ZMYM4: variants seen among roughly 807,000 people sequenced by gnomAD.
ZMYM4 encodes zinc finger MYM-type protein 4.
Under a neutral mutation model 183.2 loss-of-function variants are expected in ZMYM4, and 31 were observed. The observed-to-expected ratio is 0.17, with a 90% CI of 0.13 to 0.23. ZMYM4 has a LOEUF of 0.23. Among genes scored for constraint, ZMYM4 ranks in the 10% least tolerant of loss-of-function variants. The probability of loss-of-function intolerance (pLI) is 1.00; values close to 1 mark genes in which losing one functional copy is unlikely to be tolerated. For synonymous variants in ZMYM4, 592 were observed against 631.2 expected (o/e 0.94, Z 0.93); for missense variants, 1,273 against 1,840.3 (o/e 0.69, Z 5.64).
chr1:35,365,575 A>G (rs1277816376), intron 5 of ZMYM4, among the ~76,000 whole-genome samples: 7 of 152,160 alleles, frequency 4.6e-5, no homozygotes, highest in Non-Finnish European at 1.0e-4. Context: ...TAGTAATTCA[A>G]ATGTTGGGGC....
chr1:35,354,038 A>G (rs1465089921), intron 2 of ZMYM4, among the ~76,000 whole-genome samples: 1 of 152,056 alleles, frequency 6.6e-6, no homozygotes, highest in Non-Finnish European at 1.5e-5. Flanking sequence ...GGTCTCAGCT[A>G]TTTGGGAGGC....
intron 2 of ZMYM4, among the ~76,000 whole-genome samples, chr1:35,347,322 C>A (rs1016548189): frequency 6.6e-6 from 1 of 152,050 alleles, no homozygotes; most frequent in East Asian, 1.9e-4. Flanking sequence ...TTTTTATTTT[C>A]AAAAAAATCT....
intron 2 of ZMYM4, among the ~76,000 whole-genome samples, chr1:35,349,550 G>A (rs753275267): frequency 3.9e-5 from 6 of 152,068 alleles, no homozygotes; most frequent in African/African-American, 9.7e-5. Flanking sequence ...GACAGCGGCC[G>A]AGCGCGGTGG....
intron 1 of ZMYM4, among the ~76,000 whole-genome samples, chr1:35,287,840 G>A (rs1029801542): frequency 2.6e-5 from 4 of 152,144 alleles, no homozygotes; most frequent in Middle Eastern, 3.4e-3. Flanking sequence ...TCCTGACCTC[G>A]CGGTCTACCA....
At chr1:35,323,323 C>T (rs1642366613) in intron 1 of ZMYM4, among the ~76,000 whole-genome samples, 1 of 152,026 alleles carries the variant, frequency 6.6e-6, no homozygotes, top group African/African-American at 2.4e-5. Context: ...TTGAAGAGTT[C>T]TGCTGTCAAG....
chr1:35,331,537 G>A (rs1374978096), intron 2 of ZMYM4, among the ~76,000 whole-genome samples: 2 of 152,098 alleles, frequency 1.3e-5, no homozygotes, highest in African/African-American at 2.4e-5. Flanking sequence ...TGTAATCCCA[G>A]CACTTTGGGA....
intron 2 of ZMYM4, among the ~76,000 whole-genome samples, chr1:35,334,584 TA>T (rs1440065065): frequency 2.0e-5 from 3 of 152,188 alleles, no homozygotes; most frequent in Non-Finnish European, 4.4e-5. Context: ...TTTTGCCCTT[TA>T]AAAAAAGTTT....
chr1:35,289,764 A>G (rs560974779), intron 1 of ZMYM4, among the ~76,000 whole-genome samples: 2 of 152,270 alleles, frequency 1.3e-5, no homozygotes, highest in African/African-American at 4.8e-5. Flanking sequence ...AAATATCTCC[A>G]GACATTACCA....
chr1:35,361,546 C>A, intron 4 of ZMYM4, 73 bp from the exon 5 acceptor site: 2 of 1,502,404 alleles, frequency 1.3e-6, no homozygotes, highest in East Asian at 2.4e-5. Flanking sequence ...ATGAGCTTTT[C>A]TTTGGGTGTT....
At chr1:35,333,937 A>C (rs1642864547) in intron 2 of ZMYM4, among the ~76,000 whole-genome samples, 5 of 151,996 alleles carry the variant, frequency 3.3e-5, no homozygotes. Flanking sequence ...TTTCTGCCAC[A>C]ATGAACAATG....
chr1:35,375,847 T>C (rs1263238495), intron 7 of ZMYM4, among the ~76,000 whole-genome samples: 1 of 152,046 alleles, frequency 6.6e-6, no homozygotes, highest in Non-Finnish European at 1.5e-5. Context: ...AAGCCAACAT[T>C]GGAGGATTGC....
chr1:35,415,999 C>G (rs942235707), intron 28 of ZMYM4, among the ~76,000 whole-genome samples: 1 of 152,148 alleles, frequency 6.6e-6, no homozygotes, highest in Non-Finnish European at 1.5e-5. Flanking sequence ...TTAAAAAATA[C>G]AAACAGGGTT....
At chr1:35,357,257 C>T (rs1486901947) in intron 2 of ZMYM4, among the ~76,000 whole-genome samples, 2 of 152,182 alleles carry the variant, frequency 1.3e-5, no homozygotes, top group Non-Finnish European at 2.9e-5. Flanking sequence ...CTCAAATCAA[C>T]TTAACAAAAG....
At chr1:35,358,754 A>G (rs754191710) in intron 2 of ZMYM4, 171 bp from the exon 3 acceptor site, 4 of 547,894 alleles carry the variant, frequency 7.3e-6, no homozygotes, top group Non-Finnish European at 1.2e-5. Flanking sequence ...CTTAACTGTC[A>G]GATAGGAATA....
At chr1:35,330,324 A>G (rs1018352228) in intron 2 of ZMYM4, among the ~76,000 whole-genome samples, 1 of 152,186 alleles carries the variant, frequency 6.6e-6, no homozygotes, top group Admixed American at 6.6e-5. Context: ...CCAGATGATA[A>G]TATGGCTCTG....
At chr1:35,372,384 G>GAA (rs1348758918) in intron 7 of ZMYM4, among the ~76,000 whole-genome samples, 1 of 152,174 alleles carries the variant, frequency 6.6e-6, no homozygotes, top group Non-Finnish European at 1.5e-5. Context: ...AAGTAGTTGG[G>GAA]AAAGGTGTCA....
intron 1 of ZMYM4, among the ~76,000 whole-genome samples, chr1:35,311,416 C>CT (rs1277847531): frequency 6.9e-6 from 1 of 144,208 alleles, no homozygotes; most frequent in Non-Finnish European, 1.5e-5. Context: ...GAGCAAAACT[C>CT]TGTCTCAAAA....
chr1:35,305,368 A>G (rs1641489037), intron 1 of ZMYM4, among the ~76,000 whole-genome samples: 1 of 152,084 alleles, frequency 6.6e-6, no homozygotes, highest in African/African-American at 2.4e-5. Flanking sequence ...TTGTATTGTT[A>G]GTTGCTTCAC....
intron 9 of ZMYM4, among the ~76,000 whole-genome samples, chr1:35,384,214 G>T (rs1644524896): frequency 6.6e-6 from 1 of 152,180 alleles, no homozygotes. Context: ...GAGACTATCA[G>T]CAGAAGCTTC....
Sources: allele counts gnomAD v4.1 joint callset (sites outside exome capture counted in the v4.1 genomes callset), GRCh38; gene constraint gnomAD v4.1.1; transcripts MANE v1.5; gene names NCBI Gene and HGNC (gene_info 2026-07-23, HGNC 2026-07-21).